NDUFS4: variants seen among roughly 807,000 people sequenced by gnomAD.
NDUFS4 encodes the protein NADH:ubiquinone oxidoreductase subunit S4, also known as NADH dehydrogenase [ubiquinone] iron-sulfur protein 4, mitochondrial.
In NDUFS4, 28 loss-of-function variants were observed where a neutral mutation model predicts 24.3. That is an observed-to-expected ratio of 1.15 (90% CI 0.85 to 1.58). NDUFS4 has a LOEUF of 1.58. NDUFS4 is among the 40% of genes most tolerant of loss of function. The pLI is 0.00. For synonymous variants in NDUFS4, 93 were observed against 69.7 expected (o/e 1.34, Z -1.67); for missense variants, 223 against 207.9 (o/e 1.07, Z -0.45).
At chr5:53,570,511 G>A (rs552171725) in intron 1 of NDUFS4, among the ~76,000 whole-genome samples, 1 of 152,152 alleles carries the variant, frequency 6.6e-6, no homozygotes, top group South Asian at 2.1e-4. Flanking sequence ...TGTTTCTCTA[G>A]AGTAAATACC....
At chr5:53,606,401 T>C (rs2112460835) in intron 2 of NDUFS4, among the ~76,000 whole-genome samples, 1 of 151,972 alleles carries the variant, frequency 6.6e-6, no homozygotes, top group South Asian at 2.1e-4. Flanking sequence ...CCATACACTT[T>C]CTGTCATCCA....
chr5:53,638,168 A>T (rs1480619050), intron 2 of NDUFS4, among the ~76,000 whole-genome samples: 1 of 152,088 alleles, frequency 6.6e-6, no homozygotes, highest in Non-Finnish European at 1.5e-5. Flanking sequence ...ATATACTCAT[A>T]GATAATAATT....
intron 2 of NDUFS4, among the ~76,000 whole-genome samples, chr5:53,643,498 G>A (rs1006007612): frequency 6.6e-6 from 1 of 152,130 alleles, no homozygotes; most frequent in African/African-American, 2.4e-5. Context: ...CACAAGTAGA[G>A]TTCAGCATAG....
chr5:53,581,415 C>A (rs928641696), intron 1 of NDUFS4, among the ~76,000 whole-genome samples: 2 of 152,156 alleles, frequency 1.3e-5, no homozygotes, highest in African/African-American at 4.8e-5. Flanking sequence ...CAGAGTCCTT[C>A]ATATTCCCTG....
rs566539169 is a variant in NDUFS4, at chr5:53,604,853, C to A, written c.177+1323C>A. ...TCTACCTGGATGCATTTTAACTAATCCTGAGGACTTCATCCGGTCACCATC... is the reference window on the plus strand; with the variant it reads ...TCTACCTGGATGCATTTTAACTAATACTGAGGACTTCATCCGGTCACCATC... On this transcript the variant is annotated intron_variant, in intron 2 of 4. Coordinates refer to ENST00000296684, the MANE Select transcript of NDUFS4 (RefSeq NM_002495.4). 4.9e-4 allele frequency: 222 copies of A among 456,122 alleles called. 1 individual carries two copies. The highest frequency in any genetic ancestry group is 8.4e-4 in the Non-Finnish European group (191 of 226,964). The allele number at this position is 456,122 out of a possible 1,614,324, so 28.3% of individuals were successfully genotyped here.
chr5:53,672,416 G>T (rs1740304457), intron 4 of NDUFS4, among the ~76,000 whole-genome samples: 1 of 152,040 alleles, frequency 6.6e-6, no homozygotes, highest in African/African-American at 2.4e-5. Context: ...GCAAATAGAG[G>T]CAAAATTGGG....
At chr5:53,658,453 C>G (rs1752226568) in intron 3 of NDUFS4, 98 bp from the exon 4 acceptor site, 2 of 798,932 alleles carry the variant, frequency 2.5e-6, no homozygotes, top group Admixed American at 2.0e-5. Flanking sequence ...CAATAATGTA[C>G]TTATTTGATT....
At chr5:53,615,726 C>T (rs901402901) in intron 2 of NDUFS4, among the ~76,000 whole-genome samples, 2 of 152,030 alleles carry the variant, frequency 1.3e-5, no homozygotes, top group African/African-American at 4.8e-5. Flanking sequence ...CAGCATATTT[C>T]ATGTTAGTTG....
intron 2 of NDUFS4, among the ~76,000 whole-genome samples, chr5:53,621,651 C>T (rs1447747227): frequency 6.8e-6 from 1 of 147,658 alleles, no homozygotes; most frequent in African/African-American, 2.5e-5. Flanking sequence ...AATGTTGACA[C>T]ACATTTTACT....
At chr5:53,594,465 A>G (rs1750068713) in intron 1 of NDUFS4, among the ~76,000 whole-genome samples, 1 of 151,972 alleles carries the variant, frequency 6.6e-6, no homozygotes, top group South Asian at 2.1e-4. Context: ...GTTGTGTCTT[A>G]TTTTTTAATC....
At position 53,683,286 on chromosome 5, in the gene NDUFS4, T is replaced by G; in HGVS notation, c.*65T>G. 8.8e-7 allele frequency: 1 copy of G among 1,141,340 alleles called. No homozygotes were observed. The highest frequency in any genetic ancestry group is 1.2e-5 in the South Asian group (1 of 81,334). 70.7% of individuals were successfully genotyped at this position (1,141,340 alleles called of 1,614,324 possible). On this transcript the variant is annotated 3_prime_UTR_variant, in exon 5 of 5. Coordinates refer to ENST00000296684, the MANE Select transcript of NDUFS4 (RefSeq NM_002495.4). ...TCAGCTGTGCAGTATTTATAGTCCATGTATAATAAATACATCTCTTAATCT... is the reference window on the plus strand; with the variant it reads ...TCAGCTGTGCAGTATTTATAGTCCAGGTATAATAAATACATCTCTTAATCT...
chr5:53,607,156 T>C (rs1179996967), intron 2 of NDUFS4, among the ~76,000 whole-genome samples: 2 of 152,218 alleles, frequency 1.3e-5, no homozygotes, highest in Non-Finnish European at 2.9e-5. Flanking sequence ...TTATTATCTT[T>C]GGTACATGGC....
At chr5:53,665,844 G>A (rs192608681) in intron 4 of NDUFS4, among the ~76,000 whole-genome samples, 1 of 152,326 alleles carries the variant, frequency 6.6e-6, no homozygotes, top group African/African-American at 2.4e-5. Flanking sequence ...TGCACACACT[G>A]TCTGATGCTC....
intron 2 of NDUFS4, among the ~76,000 whole-genome samples, chr5:53,635,686 T>C (rs1248792654): frequency 6.6e-6 from 1 of 152,210 alleles, no homozygotes; most frequent in Admixed American, 6.5e-5. Context: ...CTGTTAAACA[T>C]ACTGGTTTTC....
chr5:53,630,732 G>C (rs1024293006), intron 2 of NDUFS4, among the ~76,000 whole-genome samples: 43 of 151,926 alleles, frequency 2.8e-4, no homozygotes, highest in Admixed American at 1.3e-4. Flanking sequence ...AGCTCTATCA[G>C]GTCATGTAGG....
At chr5:53,589,139 T>C (rs1350756614) in intron 1 of NDUFS4, among the ~76,000 whole-genome samples, 1 of 152,192 alleles carries the variant, frequency 6.6e-6, no homozygotes, top group Non-Finnish European at 1.5e-5. Flanking sequence ...CGTAGGTTTT[T>C]AAGAGCAACA....
rs189447797 is a variant in NDUFS4 at position 53,636,578 on chromosome 5, A to G, written c.178-9655A>G. Among the ~76,000 whole-genome samples, 106 of 152,322 alleles carry G rather than the reference A, an allele frequency of 7.0e-4. 1 individual carries two copies. Among genetic ancestry groups the G allele is most frequent in the Non-Finnish European group, 1.2e-3 (82 of 68,026 alleles). On this transcript the variant is annotated intron_variant, in intron 2 of 4. Coordinates refer to ENST00000296684, the MANE Select transcript of NDUFS4 (RefSeq NM_002495.4). Reference sequence around the variant, plus strand: ...TCTACAGTCATTCTCATTTTTATCAAAGATAATCAAACTAATTTGTTTGCA... The same window carrying G: ...TCTACAGTCATTCTCATTTTTATCAGAGATAATCAAACTAATTTGTTTGCA...
At chr5:53,606,914 T>C (rs1259265398) in intron 2 of NDUFS4, among the ~76,000 whole-genome samples, 2 of 152,254 alleles carry the variant, frequency 1.3e-5, no homozygotes, top group Admixed American at 6.5e-5. Context: ...AAATCATCTC[T>C]AGATTACTTA....
At chr5:53,591,463 G>T (rs796706030) in intron 1 of NDUFS4, among the ~76,000 whole-genome samples, 1,058 of 45,158 alleles carry the variant, frequency 0.023, 46 homozygotes, top group African/African-American at 0.066. Context: ...GTTTTTTTTG[G>T]GGGGGGGGGG....
Sources: allele counts gnomAD v4.1 joint callset (sites outside exome capture counted in the v4.1 genomes callset), GRCh38; gene constraint gnomAD v4.1.1; transcripts MANE v1.5; gene names NCBI Gene and HGNC (gene_info 2026-07-23, HGNC 2026-07-21).